NYAP2: variants seen among roughly 807,000 people sequenced by gnomAD.
The protein encoded by NYAP2 is neuronal tyrosine-phosphorylated phosphoinositide-3-kinase adaptor 2, also known as neuronal tyrosine-phosphorylated phosphoinositide-3-kinase adapter 2.
In NYAP2, 23 loss-of-function variants were observed where a neutral mutation model predicts 50.4. That is an observed-to-expected ratio of 0.46 (90% CI 0.33 to 0.65). The LOEUF (loss-of-function observed/expected upper bound fraction) is 0.65, where lower values mean the gene tolerates loss of function less well. NYAP2 is among the 30% of genes least tolerant of loss of function. The pLI is 0.02. For synonymous variants in NYAP2, 394 were observed against 365.2 expected, an observed-to-expected ratio of 1.08 and a Z score of -0.90; for missense variants, 885 against 861.0, an observed-to-expected ratio of 1.03 and a Z score of -0.35.
chr2:225,549,687 G>T (rs1170616817), intron 4 of NYAP2, among the ~76,000 whole-genome samples: 1 of 151,990 alleles, frequency 6.6e-6, no homozygotes, highest in Non-Finnish European at 1.5e-5. Context: ...AGATGAGAGG[G>T]TCTAGAAACA....
intron 4 of NYAP2, among the ~76,000 whole-genome samples, chr2:225,525,380 A>G (rs183912078): frequency 6.0e-4 from 91 of 152,288 alleles, no homozygotes; most frequent in Non-Finnish European, 2.9e-4. Flanking sequence ...GTGTCCATCA[A>G]TGGAGGATTG....
chr2:225,564,248 A>C (rs1259779562), intron 4 of NYAP2, among the ~76,000 whole-genome samples: 1 of 151,850 alleles, frequency 6.6e-6, no homozygotes, highest in Admixed American at 6.6e-5. Context: ...TTTCCCTGAA[A>C]TTACTGTGGA....
chr2:225,622,008 AC>A (rs1693112489), intron 5 of NYAP2, among the ~76,000 whole-genome samples: 1 of 152,144 alleles, frequency 6.6e-6, no homozygotes, highest in African/African-American at 2.4e-5. Flanking sequence ...ATGTACAAAT[AC>A]CTGTTTGAGC....
rs959682224 is a variant in NYAP2 at position 225,567,165 on chromosome 2, T to C, written c.524-14776T>C. 3.9e-5 allele frequency among the ~76,000 whole-genome samples: 6 copies of C among 152,138 alleles called. No individual in the cohort carries two copies. The East Asian group carries it at 7.7e-4, about 20-fold the overall frequency. On this transcript the variant is annotated intron_variant, in intron 4 of 6. Transcript: ENST00000636099. The stretch of plus-strand genomic sequence containing the variant: ...AGTACTGCAGGAAATGGTAACACAA[T>C]GGTAAGTATCTGCATATCTAAACAT...
chr2:225,663,196 A>G, the NYAP2 span, among the ~76,000 whole-genome samples: 5 of 152,156 alleles, frequency 3.3e-5, no homozygotes, highest in South Asian at 2.1e-4. Context: ...CCACTCCAGC[A>G]TCTTTATGAT....
chr2:225,585,298 C>T (rs1692370478), intron 5 of NYAP2, among the ~76,000 whole-genome samples: 1 of 152,118 alleles, frequency 6.6e-6, no homozygotes, highest in African/African-American at 2.4e-5. Context: ...AATGGGATTT[C>T]CTCCCTACCT....
At chr2:225,414,484 T>C (rs1238600817) in intron 3 of NYAP2, among the ~76,000 whole-genome samples, 1 of 151,960 alleles carries the variant, frequency 6.6e-6, no homozygotes, top group Non-Finnish European at 1.5e-5. Context: ...CACAAATGAG[T>C]TCCCTTGAGA....
At chr2:225,622,567 CTTTCT>C (rs1693135413) in intron 5 of NYAP2, among the ~76,000 whole-genome samples, 1 of 60,712 alleles carries the variant, frequency 1.6e-5, no homozygotes, top group Admixed American at 2.2e-4. Context: ...CTTTTTCTTT[CTTTCT>C]TTCTTTCTTC....
chr2:225,433,973 T>C lies in NYAP2; in HGVS notation c.221+24872T>C, dbSNP rs79058536. On this transcript the variant is annotated intron_variant, in intron 3 of 6. Coordinates refer to ENST00000636099, the Ensembl canonical transcript of NYAP2. ...TGATTTGGAATGGCATGTATCTCTA[T>C]AATTACCAAACCAGGGACCACTATA... is the stretch of plus-strand genomic sequence containing the variant. 1.9e-3 allele frequency among the ~76,000 whole-genome samples: 282 copies of C among 152,294 alleles called. 1 individual carries two copies. Among genetic ancestry groups the C allele is most frequent in the Non-Finnish European group, 3.1e-3 (213 of 68,014 alleles).
intron 2 of NYAP2, 43 bp from the exon 3 acceptor site, chr2:225,408,821 T>A (rs569274292): frequency 1.7e-4 from 193 of 1,155,542 alleles, no homozygotes; most frequent in Non-Finnish European, 2.3e-4. Context: ...CCTTGCTTTT[T>A]TCCCCACCCT....
chr2:225,450,043 T>C (rs1434003877), intron 3 of NYAP2, among the ~76,000 whole-genome samples: 1 of 151,386 alleles, frequency 6.6e-6, no homozygotes, highest in Admixed American at 6.6e-5. Flanking sequence ...CAGAGAAAGA[T>C]AGAGAAAGAT....
downstream of NYAP2, among the ~76,000 whole-genome samples, chr2:225,658,526 CAAATAAGA>C (rs1373578781): frequency 8.5e-5 from 13 of 152,128 alleles, no homozygotes; most frequent in Non-Finnish European, 1.9e-4. Flanking sequence ...ATTCATGTTA[CAAATAAGA>C]ATGTCAGTGG....
chr2:225,502,465 C>G (rs779421985), intron 3 of NYAP2, among the ~76,000 whole-genome samples: 1 of 152,314 alleles, frequency 6.6e-6, no homozygotes, highest in East Asian at 1.9e-4. Context: ...TATTCTTGAA[C>G]TATTCCCAAA....
intron 3 of NYAP2, among the ~76,000 whole-genome samples, chr2:225,444,171 T>C (rs1016263632): frequency 1.3e-5 from 2 of 152,200 alleles, no homozygotes; most frequent in African/African-American, 4.8e-5. Flanking sequence ...AGAATTACCA[T>C]ACAAGCCGAT....
intron 6 of NYAP2, among the ~76,000 whole-genome samples, chr2:225,637,028 C>CTGTTTG (rs1693431667): frequency 6.6e-6 from 1 of 152,120 alleles, no homozygotes; most frequent in Admixed American, 6.5e-5. Flanking sequence ...ATACCATGAT[C>CTGTTTG]TGTTTGTGTT....
intron 3 of NYAP2, among the ~76,000 whole-genome samples, chr2:225,430,026 G>C (rs138454678): frequency 6.6e-6 from 1 of 152,074 alleles, no homozygotes. Context: ...ATAAACTCTG[G>C]ATTATTCTGA....
intron 3 of NYAP2, among the ~76,000 whole-genome samples, chr2:225,471,763 T>A (rs540134713): frequency 1.3e-5 from 2 of 152,332 alleles, no homozygotes; most frequent in South Asian, 4.1e-4. Context: ...GAGTGTAAGC[T>A]GCTTCTAAAT....
intron 3 of NYAP2, among the ~76,000 whole-genome samples, chr2:225,415,396 A>G (rs73099717): frequency 0.012 from 1,894 of 152,302 alleles, 37 homozygotes; most frequent in African/African-American, 0.042. Context: ...GCAAATGGCT[A>G]TGATATCCAA....
chr2:225,652,627 A>C (rs1285116081), exon 7 of NYAP2: 2 of 152,140 alleles, frequency 1.3e-5, no homozygotes, highest in African/African-American at 4.8e-5. Context: ...GTCATTCTGG[A>C]ATGTTTTCTC....
Sources: gnomAD v4.1 joint callset for allele counts (sites outside exome capture counted in the v4.1 genomes callset) on GRCh38, gnomAD v4.1.1 for gene constraint, MANE v1.5 for transcripts, NCBI Gene and HGNC (gene_info 2026-07-23, HGNC 2026-07-21) for gene names.